The following DAP variants were observed in gnomAD, a reference collection of about 807,000 sequenced individuals.
The protein encoded by DAP is death-associated protein 1.
In DAP, 8 loss-of-function variants were observed where a neutral mutation model predicts 13.8. That is an observed-to-expected ratio of 0.58 (90% CI 0.34 to 1.05). The LOEUF is 1.05. Ranked by LOEUF, DAP falls within the 50% of genes least tolerant of loss-of-function variation. The pLI is 0.03. For missense variants in DAP, 106 were observed against 133.2 expected (o/e 0.80, Z 1.01); for synonymous variants, 47 against 47.5 (o/e 0.99, Z 0.04).
At chr5:10,693,660 T>C (rs1010767911) in intron 2 of DAP, among the ~76,000 whole-genome samples, 3 of 152,232 alleles carry the variant, frequency 2.0e-5, no homozygotes, top group Non-Finnish European at 4.4e-5. Context: ...ACGAGGGCTG[T>C]ATAGTGCATG....
At chr5:10,702,234 CG>C (rs1322101565) in intron 2 of DAP, among the ~76,000 whole-genome samples, 1 of 152,184 alleles carries the variant, frequency 6.6e-6, no homozygotes, top group Non-Finnish European at 1.5e-5. Context: ...ATGACATCAC[CG>C]GTCAGCGACC....
At chr5:10,710,145 C>T (rs371163520) in intron 2 of DAP, among the ~76,000 whole-genome samples, 2 of 152,230 alleles carry the variant, frequency 1.3e-5, no homozygotes, top group African/African-American at 4.8e-5. Flanking sequence ...GACCCCTCCC[C>T]TTCCCTCGGC....
At chr5:10,727,494 T>C (rs1217929739) in intron 2 of DAP, among the ~76,000 whole-genome samples, 1 of 152,150 alleles carries the variant, frequency 6.6e-6, no homozygotes, top group Non-Finnish European at 1.5e-5. Context: ...GTGGTGGGGA[T>C]GGGGCCTGCT....
At chr5:10,725,325 T>C (rs888977330) in intron 2 of DAP, among the ~76,000 whole-genome samples, 2 of 152,228 alleles carry the variant, frequency 1.3e-5, no homozygotes, top group South Asian at 2.1e-4. Context: ...TGCCGGGTCC[T>C]GAGCTCGGGC....
At chr5:10,703,242 T>C (rs1194477022) in intron 2 of DAP, among the ~76,000 whole-genome samples, 1 of 152,228 alleles carries the variant, frequency 6.6e-6, no homozygotes, top group Non-Finnish European at 1.5e-5. Flanking sequence ...TAAGATGTTT[T>C]TCCCTTTAGA....
rs1180197367 is a variant in DAP, at chr5:10,680,829, C to T, written c.*227G>A. On this transcript the variant is annotated 3_prime_UTR_variant, in exon 4 of 4. Coordinates refer to ENST00000230895, the MANE Select transcript of DAP (RefSeq NM_004394.3). ...ATTCTGCTAATGGCACCTCTAGGGG[C>T]ACAATGATCCTCAAATGACATCCAA... 2 of 1,536,762 alleles carry T rather than the reference C, an allele frequency of 1.3e-6. No individual in the cohort carries two copies. Among genetic ancestry groups the T allele is most frequent in the Admixed American group, 2.0e-5 (1 of 50,990 alleles).
intron 2 of DAP, among the ~76,000 whole-genome samples, chr5:10,706,375 A>G (rs1229613601): frequency 6.6e-6 from 1 of 152,256 alleles, no homozygotes; most frequent in African/African-American, 2.4e-5. Flanking sequence ...ATAAGGACAC[A>G]TGCACAGAGA....
chr5:10,704,381 TTC>T (rs1738651043), intron 2 of DAP, among the ~76,000 whole-genome samples: 1 of 152,152 alleles, frequency 6.6e-6, no homozygotes, highest in African/African-American at 2.4e-5. Flanking sequence ...CTCTGCAGTT[TTC>T]TGAGTGCTCT....
chr5:10,758,011 A>T (rs574219339), intron 1 of DAP, among the ~76,000 whole-genome samples: 7 of 152,198 alleles, frequency 4.6e-5, no homozygotes, highest in Non-Finnish European at 1.0e-4. Flanking sequence ...AGCAACAAAG[A>T]GAAGACACAA....
intron 2 of DAP, among the ~76,000 whole-genome samples, chr5:10,693,159 T>C (rs1160365295): frequency 1.1e-5 from 1 of 88,686 alleles, no homozygotes; most frequent in Non-Finnish European, 2.3e-5. Flanking sequence ...CACACGTGCG[T>C]AGTAGTAGTG....
intron 2 of DAP, among the ~76,000 whole-genome samples, chr5:10,743,244 G>A (rs922082883): frequency 3.3e-5 from 5 of 152,072 alleles, no homozygotes; most frequent in African/African-American, 9.7e-5. Context: ...AGTTAATTAG[G>A]TAACTCCCTA....
chr5:10,759,195 A>C (rs1036455379), intron 1 of DAP, among the ~76,000 whole-genome samples: 3 of 152,246 alleles, frequency 2.0e-5, no homozygotes, highest in Non-Finnish European at 4.4e-5. Flanking sequence ...AAAACAAAAC[A>C]AAAAACTTCT....
At position 10,750,663 on chromosome 5, in the gene DAP, G is replaced by A. The variant is rs184199676; in HGVS notation, c.56-2392C>T. 2.6e-5 allele frequency among the ~76,000 whole-genome samples: 4 copies of A among 152,168 alleles called. No individual in the cohort carries two copies. The East Asian group carries it at 5.8e-4, about 22-fold the overall frequency. On this transcript the variant is annotated intron_variant, in intron 1 of 3. Transcript: ENST00000230895. ...ATGGGGTCTTATTCTTTTCTTGTGC[G>A]TTCAATTCCTTTATATATTTAATCA... is the stretch of plus-strand genomic sequence containing the variant.
At chr5:10,697,354 A>C (rs1227332073) in intron 2 of DAP, among the ~76,000 whole-genome samples, 2 of 152,218 alleles carry the variant, frequency 1.3e-5, no homozygotes, top group African/African-American at 4.8e-5. Context: ...ACGATCATCT[A>C]TGTATTAAAA....
At chr5:10,712,671 C>T (rs267986) in intron 2 of DAP, among the ~76,000 whole-genome samples, 151,400 of 152,282 alleles carry the variant, frequency 0.99, 75,282 homozygotes, top group Middle Eastern at 1. Context: ...CAGGAACCCA[C>T]AGGACCAACA....
chr5:10,700,584 T>G (rs1003274420), intron 2 of DAP, among the ~76,000 whole-genome samples: 2 of 152,154 alleles, frequency 1.3e-5, no homozygotes, highest in Non-Finnish European at 2.9e-5. Flanking sequence ...CGTGGATGTG[T>G]GGGGCATGGT....
intron 2 of DAP, among the ~76,000 whole-genome samples, chr5:10,720,968 C>G (rs866506210): frequency 6.6e-6 from 1 of 152,206 alleles, no homozygotes; most frequent in African/African-American, 2.4e-5. Flanking sequence ...GACCAAGGCA[C>G]GCACTTTATG....
At position 10,707,531 on chromosome 5, in the gene DAP, T is replaced by C. The variant is rs1738727625; in HGVS notation, c.153-23960A>G. Among the ~76,000 whole-genome samples, 1 of 151,478 alleles carries C rather than the reference T, an allele frequency of 6.6e-6. No homozygotes were observed. The highest frequency in any genetic ancestry group is 2.4e-5 in the African/African-American group (1 of 41,170). On this transcript the variant is annotated intron_variant, in intron 2 of 3. Transcript: ENST00000230895. This position sits in a 1 kb window ranked among gnomAD's most constrained non-coding sequence, Gnocchi z 4.0. ...TGTGATGCATAGGTGGTGTGATGCA[T>C]GGGTGCTGTGATGCAGGGGTGGTGT...
At chr5:10,683,329 G>C in intron 3 of DAP, 200 bp downstream of exon 3, 4 of 672,402 alleles carry the variant, frequency 5.9e-6, no homozygotes, top group South Asian at 4.9e-5. Context: ...CTCTGGAAAG[G>C]TAAAGGATGC....
Sources: gnomAD v4.1 joint callset for allele counts (sites outside exome capture counted in the v4.1 genomes callset) on GRCh38, gnomAD v4.1.1 for gene constraint, Gnocchi (gnomAD v3.1) non-coding constraint, MANE v1.5 for transcripts, NCBI Gene and HGNC (gene_info 2026-07-23, HGNC 2026-07-21) for gene names.